The following SEC14L2 variants were observed in gnomAD, a reference collection of about 807,000 sequenced individuals.
The protein encoded by SEC14L2 is SEC14-like protein 2.
In SEC14L2, 50 loss-of-function variants were observed where a neutral mutation model predicts 56.9. The observed-to-expected ratio is 0.88, with a 90% CI of 0.70 to 1.11. The LOEUF (loss-of-function observed/expected upper bound fraction) is 1.11. Among genes scored for constraint, SEC14L2 ranks in the 50% most tolerant of loss-of-function variants. SEC14L2 has a pLI of 0.00. For synonymous variants in SEC14L2, 179 were observed against 188.5 expected, an observed-to-expected ratio of 0.95 and a Z score of 0.41; for missense variants, 414 against 500.7, an observed-to-expected ratio of 0.83 and a Z score of 1.65.
chr22:30,410,027 A>C (rs765387394), intron 7 of SEC14L2, among the ~76,000 whole-genome samples: 1 of 152,128 alleles, frequency 6.6e-6, no homozygotes, highest in African/African-American at 2.4e-5. Context: ...GCAAAACCCC[A>C]TCTCTACTAA....
intron 1 of SEC14L2, 129 bp downstream of exon 1, chr22:30,397,299 T>A: frequency 1.2e-6 from 1 of 860,306 alleles, no homozygotes; most frequent in East Asian, 3.2e-5. Flanking sequence ...CAGAGGCGGC[T>A]GTCCCAGCCT....
intron 2 of SEC14L2, among the ~76,000 whole-genome samples, chr22:30,401,602 C>T (rs1933937784): frequency 6.6e-6 from 1 of 152,026 alleles, no homozygotes. Context: ...CAACCTCCAC[C>T]TCCCAGTTTC....
At chr22:30,400,572 T>C (rs756455996) in intron 2 of SEC14L2, 1 of 152,124 alleles carries the variant, frequency 6.6e-6, no homozygotes, top group Non-Finnish European at 1.5e-5. Context: ...ATATAGAAAT[T>C]TTATTAACAG....
chr22:30,413,917 G>A (rs538138596), intron 8 of SEC14L2, among the ~76,000 whole-genome samples: 1 of 152,126 alleles, frequency 6.6e-6, no homozygotes, highest in African/African-American at 2.4e-5. Flanking sequence ...CGGCTTACTG[G>A]AGCCTCAATC....
intron 7 of SEC14L2, among the ~76,000 whole-genome samples, chr22:30,409,704 C>A (rs1328045116): frequency 6.6e-6 from 1 of 151,888 alleles, no homozygotes; most frequent in African/African-American, 2.4e-5. Context: ...TTGAGACCAG[C>A]CTGGGTAACA....
intron 2 of SEC14L2, among the ~76,000 whole-genome samples, chr22:30,403,089 A>G (rs1014454798): frequency 1.3e-5 from 2 of 152,196 alleles, no homozygotes; most frequent in Non-Finnish European, 2.9e-5. Flanking sequence ...AGAAAATAAA[A>G]CAAAACAAAA....
chr22:30,403,659 C>A (rs1472930328), intron 2 of SEC14L2, among the ~76,000 whole-genome samples: 1 of 152,164 alleles, frequency 6.6e-6, no homozygotes, highest in Non-Finnish European at 1.5e-5. Context: ...ACTGGAGAGC[C>A]TCCCCAAGAT....
intron 11 of SEC14L2, 46 bp downstream of exon 11, chr22:30,416,449 T>C (rs761411215): frequency 1.4e-5 from 22 of 1,613,996 alleles, no homozygotes; most frequent in Non-Finnish European, 1.8e-5. Context: ...CATGTCCAGC[T>C]TTCTGCCTGT....
chr22:30,409,858 C>A (rs1870496052), intron 7 of SEC14L2, among the ~76,000 whole-genome samples: 1 of 151,816 alleles, frequency 6.6e-6, no homozygotes, highest in Non-Finnish European at 1.5e-5. Flanking sequence ...CATGATTGTG[C>A]CACTGCACTC....
intron 8 of SEC14L2, among the ~76,000 whole-genome samples, chr22:30,411,063 G>A (rs1443453904): frequency 6.6e-6 from 1 of 152,120 alleles, no homozygotes; most frequent in Non-Finnish European, 1.5e-5. Flanking sequence ...AGGAGCTCAA[G>A]ACCAGCCTGG....
chr22:30,403,906 G>A (rs1039894917), intron 2 of SEC14L2, among the ~76,000 whole-genome samples: 3 of 151,282 alleles, frequency 2.0e-5, no homozygotes, highest in African/African-American at 7.3e-5. Context: ...GGGAGGCTGA[G>A]GCAGGAGAAT....
chr22:30,422,112 C>T (rs1056641295), intron 11 of SEC14L2, among the ~76,000 whole-genome samples, 165 bp from the exon 12 acceptor site: 1 of 152,134 alleles, frequency 6.6e-6, no homozygotes, highest in African/African-American at 2.4e-5. Flanking sequence ...TTGTCAACCC[C>T]GCTAGATTAA....
Position 30,407,621 on chromosome 22 carries a change from G to A in SEC14L2, c.423+18G>A. The A allele has an allele frequency of 6.2e-7, 1 of 1,608,210 alleles. No homozygotes were observed. The highest frequency in any genetic ancestry group is 2.2e-5 in the East Asian group (1 of 44,728). The stretch of plus-strand genomic sequence containing the variant: ...CCACAAAGGTGAGTGGACCACCATG[G>A]CTAGAAATGAGTTGACCACAGCAGA... On this transcript the variant is annotated intron_variant, in intron 5 of 11. Transcript: ENST00000615189.
chr22:30,410,824 G>T, intron 8 of SEC14L2, 145 bp downstream of exon 8: 1 of 684,078 alleles, frequency 1.5e-6, no homozygotes, highest in Non-Finnish European at 2.6e-6. Flanking sequence ...AGCTGGGGTG[G>T]AGCTAGTGCC....
chr22:30,422,170 A>T, intron 11 of SEC14L2, 107 bp from the exon 12 acceptor site: 2 of 1,394,070 alleles, frequency 1.4e-6, no homozygotes, highest in Non-Finnish European at 2.0e-6. Flanking sequence ...CATCCCCATG[A>T]CCTGCCACAC....
intron 11 of SEC14L2, among the ~76,000 whole-genome samples, chr22:30,420,017 G>A (rs1340581507): frequency 2.0e-5 from 3 of 150,394 alleles, no homozygotes; most frequent in Admixed American, 6.6e-5. Context: ...GTAATGGCTC[G>A]ATCTCGACTC....
intron 4 of SEC14L2, 55 bp from the exon 5 acceptor site, chr22:30,407,360 C>T (rs991905322): frequency 1.6e-5 from 26 of 1,580,858 alleles, no homozygotes; most frequent in Non-Finnish European, 2.1e-5. Context: ...GCCCTGTGGT[C>T]CAGGCAAGGT....
chr22:30,423,923 G>T lies in SEC14L2; in HGVS notation c.*1516G>T, dbSNP rs942076687. ...CAAACTCAGACGGCGTCAGGGACCC[G>T]GACCCAGCAGCCGTTTCACGCCAAT... On this transcript the variant is annotated 3_prime_UTR_variant, in exon 12 of 12. Coordinates refer to ENST00000615189, the MANE Select transcript of SEC14L2 (RefSeq NM_012429.5). The T allele has an allele frequency of 6.6e-6, 1 of 152,274 alleles. No homozygotes were observed. Among genetic ancestry groups the T allele is most frequent in the African/African-American group, 2.4e-5 (1 of 41,466 alleles). The allele number at this position is 152,274 out of a possible 1,614,324, so 9.4% of individuals were successfully genotyped here.
intron 11 of SEC14L2, among the ~76,000 whole-genome samples, chr22:30,421,924 C>T (rs745325192): frequency 7.9e-5 from 12 of 152,226 alleles, no homozygotes; most frequent in Non-Finnish European, 1.6e-4. Flanking sequence ...GCTACTGCTG[C>T]TGCTAATTCT....
Sources: gnomAD v4.1 joint callset for allele counts (sites outside exome capture counted in the v4.1 genomes callset) on GRCh38, gnomAD v4.1.1 for gene constraint, MANE v1.5 for transcripts, NCBI Gene and HGNC (gene_info 2026-07-23, HGNC 2026-07-21) for gene names.